The following SNX4 variants were observed in gnomAD, a reference collection of about 807,000 sequenced individuals.
The protein encoded by SNX4 is sorting nexin-4.
A neutral mutation model predicts 70.8 loss-of-function variants in SNX4; 49 were observed. The ratio of observed to expected loss-of-function variants is 0.69; its 90% CI spans 0.55 to 0.88. The LOEUF (loss-of-function observed/expected upper bound fraction) is 0.88, where lower values mean the gene tolerates loss of function less well. Among genes scored for constraint, SNX4 ranks in the 40% least tolerant of loss-of-function variants. SNX4 has a pLI of 0.00. For synonymous variants in SNX4, 206 were observed against 183.8 expected (o/e 1.12, Z -0.98); for missense variants, 528 against 544.8 (o/e 0.97, Z 0.31).
At chr3:125,511,247 TTA>T (rs1935168891) in intron 1 of SNX4, among the ~76,000 whole-genome samples, 1 of 152,206 alleles carries the variant, frequency 6.6e-6, no homozygotes, top group African/African-American at 2.4e-5. Flanking sequence ...AATAAACACA[TTA>T]TAAAAATATG....
chr3:125,467,145 G>C (rs974303109), intron 9 of SNX4, among the ~76,000 whole-genome samples: 2 of 149,858 alleles, frequency 1.3e-5, no homozygotes, highest in South Asian at 2.1e-4. Flanking sequence ...CAAGCACTTC[G>C]GGAGGCTGAG....
At chr3:125,454,190 G>C (rs1933651291) in intron 11 of SNX4, among the ~76,000 whole-genome samples, 1 of 152,178 alleles carries the variant, frequency 6.6e-6, no homozygotes, top group Admixed American at 6.5e-5. Context: ...TAATAATCTA[G>C]AGATAATTTA....
At chr3:125,496,126 C>CA (rs1299194857) in intron 5 of SNX4, among the ~76,000 whole-genome samples, 1 of 152,024 alleles carries the variant, frequency 6.6e-6, no homozygotes, top group Non-Finnish European at 1.5e-5. Context: ...CTCATCTCTA[C>CA]AAAAGAAAAA....
chr3:125,520,122 C>A lies in SNX4; in HGVS notation c.51G>T (p.Leu17Phe), dbSNP rs202086209. Residue 17 changes from leucine to phenylalanine, a missense_variant, in exon 1 of 14, where the codon TTG (leucine) becomes TTT (phenylalanine). By Grantham distance (22) the Leu-to-Phe change is conservative (BLOSUM62 0). Transcript: ENST00000251775. ...CAGCGTCTGGGGAGCCCAGCGGCTC[C>A]AAGGGCGCCGGCTGGAGCTGCCGCT... is the stretch of plus-strand genomic sequence containing the variant. The part of the protein sequence containing the change: ...DPERQLQPAP[L>F]EPLGSPDAGL... 1.9e-3 allele frequency: 2,815 copies of A among 1,479,584 alleles called. 14 individuals are homozygous for A. Among genetic ancestry groups the A allele is most frequent in the South Asian group, 3.8e-3 (290 of 75,334 alleles). The allele number at this position is 1,479,584 out of a possible 1,614,324, so 91.7% of individuals were successfully genotyped here.
chr3:125,495,602 T>C (rs1934776674), intron 5 of SNX4, among the ~76,000 whole-genome samples: 2 of 152,062 alleles, frequency 1.3e-5, no homozygotes, highest in Admixed American at 1.3e-4. Context: ...ATCTAAATAC[T>C]TAAGCAGCAC....
chr3:125,459,084 G>A (rs1933808847), intron 10 of SNX4, among the ~76,000 whole-genome samples: 3 of 152,084 alleles, frequency 2.0e-5, no homozygotes, highest in Admixed American at 2.0e-4. Context: ...TGAGGCAGGA[G>A]AATCACTTGT....
chr3:125,495,275 T>TATATATATATATATATATATATAC lies in SNX4; in HGVS notation c.597+2065_597+2066insGTATATATATATATATATATATAT. 3.1e-3 allele frequency among the ~76,000 whole-genome samples: 254 copies of TATATATATATATATATATATATAC among 82,946 alleles called. 6 individuals carry two copies. The highest frequency in any genetic ancestry group is 8.4e-3 in the African/African-American group (232 of 27,496). 54.4% of individuals were successfully genotyped at this position (82,946 alleles called of 152,430 possible). On this transcript the variant is annotated intron_variant, in intron 5 of 13. Transcript: ENST00000251775. ...TTATATATATATATATATATATATA[T>TATATATATATATATATATATATAC]ATACACATACACACACACACACGTA...
At chr3:125,486,144 A>G (rs1050091523) in intron 6 of SNX4, among the ~76,000 whole-genome samples, 6 of 152,134 alleles carry the variant, frequency 3.9e-5, no homozygotes, top group African/African-American at 1.4e-4. Context: ...TGGCCTCTGT[A>G]AGCATTCTTA....
At chr3:125,462,182 T>C (rs973500501) in intron 9 of SNX4, among the ~76,000 whole-genome samples, 1 of 152,222 alleles carries the variant, frequency 6.6e-6, no homozygotes, top group Non-Finnish European at 1.5e-5. Context: ...CAATTTGAAC[T>C]TAAATTTTAT....
chr3:125,516,065 T>C (rs972585369), intron 1 of SNX4, among the ~76,000 whole-genome samples: 12 of 152,206 alleles, frequency 7.9e-5, no homozygotes, highest in African/African-American at 2.9e-4. Context: ...AGGTAGTCAA[T>C]GTGCACGGGA....
intron 10 of SNX4, among the ~76,000 whole-genome samples, chr3:125,458,563 TC>T (rs1180345918): frequency 1.4e-4 from 21 of 152,182 alleles, no homozygotes; most frequent in Admixed American, 5.2e-4. Flanking sequence ...ATGCCTGTAA[TC>T]CCAGCACTTT....
intron 6 of SNX4, among the ~76,000 whole-genome samples, chr3:125,481,718 C>G (rs1934417112): frequency 1.3e-5 from 2 of 152,092 alleles, no homozygotes; most frequent in Non-Finnish European, 2.9e-5. Flanking sequence ...GGATTACAAG[C>G]GTGAGCCACC....
rs1474990308 is a variant in SNX4, at chr3:125,520,125, G to A, written c.48C>T (p.Pro16=). ...CGTCTGGGGAGCCCAGCGGCTCCAA[G>A]GGCGCCGGCTGGAGCTGCCGCTCGG... ...PDPERQLQPA[P]LEPLGSPDAG... Residue 16 remains proline, a synonymous_variant, in exon 1 of 14, where the codon CCC becomes CCT. Transcript: ENST00000251775. 3 of 1,475,084 alleles carry A rather than the reference G, an allele frequency of 2.0e-6. No homozygotes were observed. Among genetic ancestry groups the A allele is most frequent in the Admixed American group, 2.8e-5 (1 of 36,192 alleles). The allele number at this position is 1,475,084 out of a possible 1,614,324, so 91.4% of individuals were successfully genotyped here.
chr3:125,451,450 T>C (rs748242502), intron 12 of SNX4, 31 bp from the exon 13 acceptor site: 15 of 1,500,234 alleles, frequency 1.0e-5, no homozygotes, highest in Non-Finnish European at 1.4e-5. Context: ...ATTATTATTA[T>C]TTAAGTTAAA....
At chr3:125,512,299 C>T (rs1335680641) in intron 1 of SNX4, among the ~76,000 whole-genome samples, 1 of 152,180 alleles carries the variant, frequency 6.6e-6, no homozygotes, top group Non-Finnish European at 1.5e-5. Context: ...ATTCTGAAAG[C>T]ACATTCTGAT....
chr3:125,467,242 C>A (rs969481483), intron 9 of SNX4, among the ~76,000 whole-genome samples: 1 of 152,056 alleles, frequency 6.6e-6, no homozygotes, highest in South Asian at 2.1e-4. Flanking sequence ...CCAAAATTAG[C>A]CGGGTGTGGT....
At chr3:125,471,985 A>G (rs2107538994) in intron 8 of SNX4, among the ~76,000 whole-genome samples, 1 of 152,324 alleles carries the variant, frequency 6.6e-6, no homozygotes, top group Middle Eastern at 3.4e-3. Flanking sequence ...ACATAACATC[A>G]GCAGCACCAT....
intron 2 of SNX4, among the ~76,000 whole-genome samples, chr3:125,502,760 A>G (rs906282747): frequency 7.4e-5 from 11 of 148,474 alleles, no homozygotes; most frequent in Non-Finnish European, 1.0e-4. Flanking sequence ...AGGCTAAGGC[A>G]GGTGAATCAC....
chr3:125,473,498 C>T (rs1262565248), intron 8 of SNX4, among the ~76,000 whole-genome samples: 5 of 152,150 alleles, frequency 3.3e-5, no homozygotes, highest in African/African-American at 1.2e-4. Context: ...TCACTGCAAC[C>T]TCCACCTCCT....
Sources: gnomAD v4.1 joint callset for allele counts (sites outside exome capture counted in the v4.1 genomes callset) on GRCh38, gnomAD v4.1.1 for gene constraint, MANE v1.5 for transcripts, NCBI Gene and HGNC (gene_info 2026-07-23, HGNC 2026-07-21) for gene names.